The following ACADL variants were observed in gnomAD, a reference collection of about 807,000 sequenced individuals.
ACADL encodes the protein acyl-CoA dehydrogenase long chain.
A neutral mutation model predicts 56.9 loss-of-function variants in ACADL; 60 were observed. The observed-to-expected ratio is 1.05, with a 90% CI of 0.86 to 1.31. The LOEUF is 1.31. Ranked by LOEUF, ACADL falls within the 50% of genes most tolerant of loss-of-function variation. The pLI is 0.00. For synonymous variants in ACADL, 158 were observed against 179.7 expected (o/e 0.88, Z 0.97); for missense variants, 484 against 525.5 (o/e 0.92, Z 0.77).
intron 10 of ACADL, among the ~76,000 whole-genome samples, chr2:210,192,337 A>T (rs984225669): frequency 2.2e-4 from 33 of 152,070 alleles, no homozygotes; most frequent in African/African-American, 6.5e-4. Flanking sequence ...AAATACAAAA[A>T]AATTAGCCAG....
intron 3 of ACADL, 66 bp downstream of exon 3, chr2:210,217,899 T>C: frequency 6.4e-7 from 1 of 1,564,708 alleles, no homozygotes; most frequent in Non-Finnish European, 8.8e-7. Context: ...GTTTGTTTGG[T>C]CATTTCAGAA....
chr2:210,214,366 C>T (rs1262167385), intron 4 of ACADL, among the ~76,000 whole-genome samples: 1 of 151,866 alleles, frequency 6.6e-6, no homozygotes, highest in Non-Finnish European at 1.5e-5. Context: ...TGTGGCTTTT[C>T]TCTGTTCTTA....
chr2:210,210,024 C>T (rs774687219), intron 5 of ACADL, 172 bp downstream of exon 5: 31 of 588,500 alleles, frequency 5.3e-5, no homozygotes, highest in Non-Finnish European at 8.8e-5. Flanking sequence ...AAGAAGCTAC[C>T]ACAGATCTTA....
intron 5 of ACADL, chr2:210,209,853 C>A (rs1688949267): frequency 4.9e-6 from 1 of 203,452 alleles, no homozygotes; most frequent in African/African-American, 2.4e-5. Context: ...AAAGCTTTTC[C>A]CCCAATCTTT....
At chr2:210,201,772 A>T (rs1394932940) in intron 8 of ACADL, among the ~76,000 whole-genome samples, 1 of 152,186 alleles carries the variant, frequency 6.6e-6, no homozygotes, top group Non-Finnish European at 1.5e-5. Context: ...TCCTTCATTT[A>T]AAAAGAAACT....
chr2:210,194,565 T>A (rs1234146733), intron 9 of ACADL, among the ~76,000 whole-genome samples: 1 of 152,216 alleles, frequency 6.6e-6, no homozygotes, highest in African/African-American at 2.4e-5. Flanking sequence ...TTGCTAATAA[T>A]CTTTAATTCA....
rs749400625 is a variant in ACADL, at chr2:210,192,912, CAGAAA to C, written c.1113-27_1113-23del. The C allele has an allele frequency of 9.4e-6, 15 of 1,587,760 alleles. No homozygotes were observed. The South Asian group carries it at 1.5e-4, about 16-fold the overall frequency. On this transcript the variant is annotated intron_variant, in intron 9 of 10. Transcript: ENST00000233710. ...TGCCCTAAATGACCAAAATAAAAGG[CAGAAA>C]AGAAATGTTTGAAATGGATTTTCAT...
intron 3 of ACADL, chr2:210,217,716 G>GAA: frequency 2.2e-6 from 1 of 447,300 alleles, no homozygotes; most frequent in Non-Finnish European, 4.0e-6. Flanking sequence ...GCATTGACAG[G>GAA]AAAAAAAAAC....
intron 8 of ACADL, 25 bp downstream of exon 8, chr2:210,203,306 T>C: frequency 1.3e-6 from 2 of 1,510,724 alleles, no homozygotes; most frequent in Non-Finnish European, 1.8e-6. Context: ...TACCATCTAA[T>C]ACTAAACCAC....
At chr2:210,222,508 CAAA>C (rs797000679) in intron 1 of ACADL, among the ~76,000 whole-genome samples, 259 of 81,368 alleles carry the variant, frequency 3.2e-3, no homozygotes, top group African/African-American at 9.5e-3. Context: ...AACAAACAAA[CAAA>C]AAAAAAAAAA....
intron 10 of ACADL, among the ~76,000 whole-genome samples, chr2:210,192,078 AT>A (rs967808774): frequency 2.0e-5 from 3 of 151,942 alleles, no homozygotes; most frequent in African/African-American, 7.3e-5. Flanking sequence ...AAGATTTTTA[AT>A]TTTTTTAGAA....
chr2:210,188,964 C>T lies in ACADL; in HGVS notation c.1290G>A (p.Lys430=), dbSNP rs1688589956. 2.5e-6 allele frequency: 4 copies of T among 1,609,998 alleles called. No homozygotes were observed. The highest frequency in any genetic ancestry group is 3.4e-6 in the Non-Finnish European group (4 of 1,176,586). ...ACTCCAGGATGTGGGCAGATGTCTA[C>T]TTGTCAAAGACAATCTCTCTTGCAA... ...ELIAREIVFD[K] is the part of the protein sequence containing the mutation. The change falls in exon 11 of 11, where the codon AAG becomes AAA. Residue 430 remains lysine, a synonymous_variant. Transcript: ENST00000233710.
At chr2:210,202,457 T>C (rs1688808816) in intron 8 of ACADL, among the ~76,000 whole-genome samples, 1 of 152,182 alleles carries the variant, frequency 6.6e-6, no homozygotes, top group South Asian at 2.1e-4. Flanking sequence ...AACAGAGTGA[T>C]GTATCTGTCT....
chr2:210,193,923 C>T (rs1259800881), intron 9 of ACADL, among the ~76,000 whole-genome samples: 3 of 152,014 alleles, frequency 2.0e-5, no homozygotes, highest in African/African-American at 4.8e-5. Flanking sequence ...TCAGACCATA[C>T]GACAGGTGAG....
At chr2:210,217,893 G>T in intron 3 of ACADL, 72 bp downstream of exon 3, 5 of 1,544,508 alleles carry the variant, frequency 3.2e-6, no homozygotes, top group Non-Finnish European at 4.5e-6. Flanking sequence ...TTGTTTGTTT[G>T]TTTGGTCATT....
chr2:210,216,353 G>A lies in ACADL; in HGVS notation c.530C>T (p.Ala177Val). The change falls in exon 4 of 11, where the codon GCT becomes GTT. Residue 177 changes from alanine to valine, a missense_variant. Ala to Val is a moderately conservative substitution (Grantham distance 64). Transcript: ENST00000233710. ...CAACTAAATATTAACTTACCTTCCAGCTCCAGGCTCTGTCATTGCTATTGC... is the reference window on the plus strand; with the variant it reads ...CAACTAAATATTAACTTACCTTCCAACTCCAGGCTCTGTCATTGCTATTGC... ...IGAIAMTEPG[A>V]GSDLQGIKTN... 1 of 1,613,590 alleles carries A rather than the reference G, an allele frequency of 6.2e-7. No individual in the cohort carries two copies. The highest frequency in any genetic ancestry group is 8.5e-7 in the Non-Finnish European group (1 of 1,179,726).
At chr2:210,207,370 G>A (rs1290989575) in intron 5 of ACADL, among the ~76,000 whole-genome samples, 1 of 152,022 alleles carries the variant, frequency 6.6e-6, no homozygotes, top group Non-Finnish European at 1.5e-5. Flanking sequence ...TCCTTACCTG[G>A]CTTATTGCTT....
intron 4 of ACADL, among the ~76,000 whole-genome samples, chr2:210,210,908 T>C (rs959769997): frequency 2.6e-5 from 4 of 152,080 alleles, no homozygotes; most frequent in African/African-American, 9.7e-5. Flanking sequence ...ATCAGGCCAC[T>C]GCACTCTAGT....
At chr2:210,222,854 T>A (rs1267594829) in intron 1 of ACADL, among the ~76,000 whole-genome samples, 2 of 152,220 alleles carry the variant, frequency 1.3e-5, no homozygotes, top group African/African-American at 2.4e-5. Context: ...TTTATCCCTA[T>A]AATGGAAATG....
Sources: allele counts gnomAD v4.1 joint callset (sites outside exome capture counted in the v4.1 genomes callset), GRCh38; gene constraint gnomAD v4.1.1; transcripts MANE v1.5; gene names NCBI Gene and HGNC (gene_info 2026-07-23, HGNC 2026-07-21).